Variants in BRSK2 observed in about 807,000 individuals in gnomAD.
BRSK2 encodes the protein serine/threonine-protein kinase BRSK2.
BRSK2 carries 19 observed loss-of-function variants against 83.3 expected under a neutral mutation model. The ratio of observed to expected loss-of-function variants is 0.23; its 90% CI spans 0.16 to 0.33. The LOEUF (loss-of-function observed/expected upper bound fraction) is 0.33. BRSK2 is among the 10% of genes least tolerant of loss of function. The probability of loss-of-function intolerance (pLI) is 1.00; values close to 1 mark genes in which losing one functional copy is unlikely to be tolerated. For missense variants in BRSK2, 798 were observed against 1,042.3 expected, an observed-to-expected ratio of 0.77 and a Z score of 3.23; for synonymous variants, 519 against 435.4, an observed-to-expected ratio of 1.19 and a Z score of -2.39.
intron 1 of BRSK2, among the ~76,000 whole-genome samples, chr11:1,416,635 C>T (rs1052394204): frequency 5.3e-5 from 8 of 152,186 alleles, no homozygotes; most frequent in Non-Finnish European, 7.3e-5. Flanking sequence ...GGTGCTACAC[C>T]ATGGTCCTCT....
chr11:1,423,298 C>T lies in BRSK2; in HGVS notation c.92-12742C>T, dbSNP rs61868969. The stretch of plus-strand genomic sequence containing the variant: ...ACCCTCCCCACTGTCCTGTCCTTAG[C>T]GTCTTGAGGCTAGGGGTGAGTTCGA... On this transcript the variant is annotated intron_variant, in intron 1 of 19. Coordinates refer to ENST00000528841, the MANE Select transcript of BRSK2 (RefSeq NM_001256627.2). The surrounding 1 kb of genome is among the most constrained non-coding windows in gnomAD (Gnocchi z 6.5). Among the ~76,000 whole-genome samples, 25,746 of 152,090 alleles carry T rather than the reference C, an allele frequency of 0.17. 2,878 individuals are homozygous for T. Among genetic ancestry groups the T allele is most frequent in the Non-Finnish European group, 0.24 (16,077 of 67,964 alleles).
intron 15 of BRSK2, among the ~76,000 whole-genome samples, chr11:1,453,262 C>G (rs1846027952): frequency 6.6e-6 from 1 of 152,258 alleles, no homozygotes; most frequent in African/African-American, 2.4e-5. Context: ...CCCCTCACCC[C>G]TCGTCGGCCT....
rs781709796 is a variant in BRSK2, at chr11:1,454,688, C to G, written c.1668+80C>G. On this transcript the variant is annotated intron_variant, in intron 16 of 19. Transcript: ENST00000528841. The surrounding 1 kb of genome is among the most constrained non-coding windows in gnomAD (Gnocchi z 5.2). Reference sequence around the variant, plus strand: ...CAGCCCCGAGAATCCAGCCTCCTCACGTAGACAGGACATGTCCACGCGCAC... The same window carrying G: ...CAGCCCCGAGAATCCAGCCTCCTCAGGTAGACAGGACATGTCCACGCGCAC... 2 of 1,556,128 alleles carry G rather than the reference C, an allele frequency of 1.3e-6. No homozygotes were observed. The highest frequency in any genetic ancestry group is 1.8e-6 in the Non-Finnish European group (2 of 1,141,700).
chr11:1,433,907 C>A (rs986305114), intron 1 of BRSK2, among the ~76,000 whole-genome samples: 1 of 152,258 alleles, frequency 6.6e-6, no homozygotes, highest in African/African-American at 2.4e-5. Context: ...AAGCCCGCTT[C>A]TTCGGCAAGG....
chr11:1,425,137 C>T (rs1432515378), intron 1 of BRSK2, among the ~76,000 whole-genome samples: 7 of 152,228 alleles, frequency 4.6e-5, no homozygotes, highest in Non-Finnish European at 8.8e-5. Context: ...TCCTGCGCTG[C>T]GTGGCCGGTC....
chr11:1,445,551 G>C lies in BRSK2; in HGVS notation c.978-20G>C. On this transcript the variant is annotated intron_variant, in intron 10 of 19. Coordinates refer to ENST00000528841, the MANE Select transcript of BRSK2 (RefSeq NM_001256627.2). ...GCGGCCCCGTGTGCCAGCGCGTCTC[G>C]CGCCTCTCGCCCGCTGTAGGGAGAA... is the stretch of plus-strand genomic sequence containing the variant. The C allele has an allele frequency of 1.3e-6, 2 of 1,589,270 alleles. No homozygotes were observed. Among genetic ancestry groups the C allele is most frequent in the Non-Finnish European group, 1.7e-6 (2 of 1,168,440 alleles).
rs1846268479 is a variant in BRSK2 at position 1,454,764 on chromosome 11, A to G, written c.1668+156A>G. On this transcript the variant is annotated intron_variant, in intron 16 of 19. Coordinates refer to ENST00000528841, the MANE Select transcript of BRSK2 (RefSeq NM_001256627.2). The surrounding 1 kb of genome is among the most constrained non-coding windows in gnomAD (Gnocchi z 5.2). ...GCCTGCCTGGCCGCCTTCACTGGACAGGCGCTCTCTCCTGCCCACCCTCGT... is the reference window on the plus strand; with the variant it reads ...GCCTGCCTGGCCGCCTTCACTGGACGGGCGCTCTCTCCTGCCCACCCTCGT... Among the ~76,000 whole-genome samples, 1 of 152,128 alleles carries G rather than the reference A, an allele frequency of 6.6e-6. No individual in the cohort carries two copies.
chr11:1,427,774 T>C (rs1289861670), intron 1 of BRSK2, among the ~76,000 whole-genome samples: 3 of 152,176 alleles, frequency 2.0e-5, no homozygotes, highest in Non-Finnish European at 4.4e-5. Context: ...GGGGAGATGA[T>C]GAAGGGTGGC....
chr11:1,396,482 T>C (rs2134025200), intron 1 of BRSK2, among the ~76,000 whole-genome samples: 1 of 152,298 alleles, frequency 6.6e-6, no homozygotes, highest in Middle Eastern at 3.4e-3. Flanking sequence ...CTCTGGGTGC[T>C]TTGAAGCAGA....
rs1590535975 is a variant in BRSK2, at chr11:1,438,321, G to A, written c.202G>A (p.Ala68Thr). Reference sequence around the variant, plus strand: ...TCCCATGCAGGTGGAGCGGGAGATCGCGATCCTGAAGCTCATTGAGCACCC... The same window carrying A: ...TCCCATGCAGGTGGAGCGGGAGATCACGATCCTGAAGCTCATTGAGCACCC... ...SVLMKVEREI[A>T]ILKLIEHPHV... Residue 68 changes from alanine to threonine, a missense_variant, in exon 3 of 20, where the codon GCG (alanine) becomes ACG (threonine). Ala to Thr is a moderately conservative substitution (Grantham distance 58, BLOSUM62 0). Coordinates refer to ENST00000528841, the MANE Select transcript of BRSK2 (RefSeq NM_001256627.2). This position sits in a 1 kb window ranked among gnomAD's most constrained non-coding sequence, Gnocchi z 6.4. 1.6e-5 allele frequency: 26 copies of A among 1,613,936 alleles called. No individual in the cohort carries two copies. Among genetic ancestry groups the A allele is most frequent in the Non-Finnish European group, 2.0e-5 (24 of 1,179,966 alleles).
intron 1 of BRSK2, among the ~76,000 whole-genome samples, chr11:1,406,604 A>G (rs1312211417): frequency 6.6e-6 from 1 of 152,216 alleles, no homozygotes; most frequent in Non-Finnish European, 1.5e-5. Flanking sequence ...AAACCCCTGC[A>G]GAGGATGCCA....
Position 1,450,495 on chromosome 11 carries a change from C to T in BRSK2, c.1288-92C>T, listed in dbSNP as rs185752629. On this transcript the variant is annotated intron_variant, in intron 13 of 19. Transcript: ENST00000528841. Reference sequence around the variant, plus strand: ...GCCACTGGCCTTTGTCCCCAGCTGGCACCACCCCTGGGCCCGCCTGCCCTG... The same window carrying T: ...GCCACTGGCCTTTGTCCCCAGCTGGTACCACCCCTGGGCCCGCCTGCCCTG... 4,293 of 641,410 alleles carry T rather than the reference C, an allele frequency of 6.7e-3. 29 individuals carry two copies. The highest frequency in any genetic ancestry group is 9.2e-3 in the Non-Finnish European group (3,439 of 373,692). 39.7% of individuals were successfully genotyped at this position (641,410 alleles called of 1,614,324 possible). A position where few individuals can be genotyped will look rare whatever the true frequency, so the allele number is the denominator to read the frequency against.
At position 1,461,148 on chromosome 11, in the gene BRSK2, G is replaced by A; in HGVS notation, c.*425G>A. The A allele has an allele frequency of 3.5e-6, 4 of 1,136,418 alleles. No individual in the cohort carries two copies. Among genetic ancestry groups the A allele is most frequent in the East Asian group, 2.7e-5 (1 of 36,372 alleles). The allele number at this position is 1,136,418 out of a possible 1,614,324, so 70.4% of individuals were successfully genotyped here. A position where few individuals can be genotyped will look rare whatever the true frequency, so the allele number is the denominator to read the frequency against. On this transcript the variant is annotated 3_prime_UTR_variant, in exon 20 of 20. Coordinates refer to ENST00000528841, the MANE Select transcript of BRSK2 (RefSeq NM_001256627.2). The stretch of plus-strand genomic sequence containing the variant: ...CCTCAGCTCCGCACGGCCCGTGGGA[G>A]GAAGGCCAGGCTCGGGGGAGCCTCC...
intron 15 of BRSK2, 90 bp downstream of exon 15, chr11:1,451,509 T>G (rs1178228432): frequency 7.2e-7 from 1 of 1,383,206 alleles, no homozygotes; most frequent in Non-Finnish European, 1.0e-6. Flanking sequence ...GCCAACGGGG[T>G]GCTCCTTCTC....
Position 1,460,883 on chromosome 11 carries a change from C to T in BRSK2, c.*160C>T. ...AGGGGCGTTGGGGCCGGCCTGTGGG[C>T]TGCGCCACCCGCGCCCGCTCTCTTT... On this transcript the variant is annotated 3_prime_UTR_variant, in exon 20 of 20. Coordinates refer to ENST00000528841, the MANE Select transcript of BRSK2 (RefSeq NM_001256627.2). 6.3e-7 allele frequency: 1 copy of T among 1,595,976 alleles called. No homozygotes were observed. Among genetic ancestry groups the T allele is most frequent in the Non-Finnish European group, 8.5e-7 (1 of 1,172,350 alleles).
intron 1 of BRSK2, among the ~76,000 whole-genome samples, chr11:1,426,408 T>C (rs1352577376): frequency 6.6e-6 from 1 of 152,082 alleles, no homozygotes; most frequent in Non-Finnish European, 1.5e-5. Flanking sequence ...AGAAGAGGCT[T>C]GAACTGTCAC....
intron 1 of BRSK2, among the ~76,000 whole-genome samples, chr11:1,397,686 C>T (rs531150683): frequency 5.3e-5 from 8 of 152,354 alleles, no homozygotes; most frequent in Admixed American, 4.6e-4. Context: ...GGGCACCATG[C>T]TCCTCGTTGG....
Position 1,438,494 on chromosome 11 carries a change from G to C in BRSK2, c.272+103G>C. On this transcript the variant is annotated intron_variant, in intron 3 of 19. Transcript: ENST00000528841. The surrounding 1 kb of genome is among the most constrained non-coding windows in gnomAD (Gnocchi z 6.4). ...GGGAGCACAGGGGCTGGAGGCCAGG[G>C]GCGCCTGCTGCATCCCAGCAGCCCT... 1 of 1,046,938 alleles carries C rather than the reference G, an allele frequency of 9.6e-7. No individual in the cohort carries two copies. Among genetic ancestry groups the C allele is most frequent in the South Asian group, 1.4e-5 (1 of 71,850 alleles). 64.9% of individuals were successfully genotyped at this position (1,046,938 alleles called of 1,614,324 possible).
intron 1 of BRSK2, among the ~76,000 whole-genome samples, chr11:1,435,788 A>AG (rs907362088): frequency 6.9e-6 from 1 of 144,252 alleles, no homozygotes; most frequent in Non-Finnish European, 1.5e-5. Context: ...GGAGAGGGCG[A>AG]GGGGGGCCAC....
Sources: gnomAD v4.1 joint callset for allele counts (sites outside exome capture counted in the v4.1 genomes callset) on GRCh38, gnomAD v4.1.1 for gene constraint, Gnocchi (gnomAD v3.1) non-coding constraint, MANE v1.5 for transcripts, NCBI Gene and HGNC (gene_info 2026-07-23, HGNC 2026-07-21) for gene names.